Variants in RIMS3 observed in about 807,000 individuals in gnomAD.
The protein encoded by RIMS3 is regulating synaptic membrane exocytosis 3.
Under a neutral mutation model 29.2 loss-of-function variants are expected in RIMS3, and 15 were observed. The ratio of observed to expected loss-of-function variants is 0.51; its 90% CI spans 0.34 to 0.79. RIMS3 has a LOEUF of 0.79. Ranked by LOEUF, RIMS3 falls within the 30% of genes least tolerant of loss-of-function variation. The probability of loss-of-function intolerance (pLI) is 0.01; values close to 1 mark genes in which losing one functional copy is unlikely to be tolerated. For missense variants in RIMS3, 342 were observed against 421.4 expected (o/e 0.81, Z 1.65); for synonymous variants, 161 against 170.1 (o/e 0.95, Z 0.41).
intron 1 of RIMS3, among the ~76,000 whole-genome samples, chr1:40,659,608 G>A (rs969586622): frequency 6.6e-6 from 1 of 152,194 alleles, no homozygotes; most frequent in Admixed American, 6.5e-5. Flanking sequence ...AGCCTAGCAT[G>A]AAATAGACAT....
Position 40,623,133 on chromosome 1 carries a change from C to A in RIMS3, c.*3384G>T. Reference sequence around the variant, plus strand: ...TCTATGGGTGGCCTTTCTTGGAGCTCCTGGGTTCTGCCTCAGCCCCCATGA... The same window carrying A: ...TCTATGGGTGGCCTTTCTTGGAGCTACTGGGTTCTGCCTCAGCCCCCATGA... On this transcript the variant is annotated 3_prime_UTR_variant, in exon 8 of 8. Transcript: ENST00000372684. 3.1e-6 allele frequency: 1 copy of A among 326,792 alleles called. No homozygotes were observed. Among genetic ancestry groups the A allele is most frequent in the Non-Finnish European group, 5.5e-6 (1 of 181,024 alleles). The allele number at this position is 326,792 out of a possible 1,614,324, so 20.2% of individuals were successfully genotyped here.
At chr1:40,649,364 C>A (rs144295224) in intron 1 of RIMS3, among the ~76,000 whole-genome samples, 81 of 152,302 alleles carry the variant, frequency 5.3e-4, no homozygotes, top group Admixed American at 1.9e-3. Flanking sequence ...GAAGCAGCCA[C>A]GACAGCCATA....
intron 1 of RIMS3, among the ~76,000 whole-genome samples, chr1:40,662,197 C>T (rs1642362340): frequency 6.6e-6 from 1 of 152,144 alleles, no homozygotes; most frequent in Non-Finnish European, 1.5e-5. Context: ...GGAAATCGGG[C>T]CAGGCTGTCC....
the RIMS3 span, among the ~76,000 whole-genome samples, chr1:40,682,185 A>G: frequency 1.3e-5 from 2 of 152,200 alleles, no homozygotes; most frequent in Non-Finnish European, 2.9e-5. Flanking sequence ...ACCATGCACT[A>G]GAGAGTGGAC....
chr1:40,680,374 C>G, the RIMS3 span, among the ~76,000 whole-genome samples: 1,042 of 150,522 alleles, frequency 6.9e-3, 9 homozygotes, highest in South Asian at 0.015. Flanking sequence ...TTCTGTCGCC[C>G]AGGCTGGAGT....
At chr1:40,660,537 C>T (rs1221730231) in intron 1 of RIMS3, among the ~76,000 whole-genome samples, 1 of 151,930 alleles carries the variant, frequency 6.6e-6, no homozygotes, top group Non-Finnish European at 1.5e-5. Context: ...GCCACCATGC[C>T]CAGCTAATTT....
intron 1 of RIMS3, among the ~76,000 whole-genome samples, chr1:40,659,269 T>G (rs1557685922): frequency 6.6e-6 from 1 of 152,016 alleles, no homozygotes; most frequent in South Asian, 2.1e-4. Flanking sequence ...GTTCAAAGTG[T>G]GGCGGGGAAG....
chr1:40,662,607 T>C (rs1642368138), intron 1 of RIMS3, among the ~76,000 whole-genome samples: 1 of 152,224 alleles, frequency 6.6e-6, no homozygotes, highest in African/African-American at 2.4e-5. Context: ...TTCTCCTTTT[T>C]TCTTCACTCC....
chr1:40,669,105 C>A (rs563330650), upstream of RIMS3: 1 of 152,252 alleles, frequency 6.6e-6, no homozygotes, highest in East Asian at 1.9e-4. Flanking sequence ...TCTGTTCCTG[C>A]TCAGCCCCTT....
At chr1:40,679,603 G>A in the RIMS3 span, among the ~76,000 whole-genome samples, 1 of 151,812 alleles carries the variant, frequency 6.6e-6, no homozygotes, top group Non-Finnish European at 1.5e-5. Context: ...TTCCTTTCCA[G>A]GATTCATGTA....
At chr1:40,661,341 C>T (rs1328965451) in intron 1 of RIMS3, among the ~76,000 whole-genome samples, 1 of 152,106 alleles carries the variant, frequency 6.6e-6, no homozygotes, top group Non-Finnish European at 1.5e-5. Flanking sequence ...TAATGCCCTC[C>T]ACCTCATCCT....
rs765191484 is a variant in RIMS3, at chr1:40,629,376, A to C, written c.473-4T>G. 5 of 1,613,212 alleles carry C rather than the reference A, an allele frequency of 3.1e-6. No homozygotes were observed. The African/African-American group carries it at 6.7e-5, about 22-fold the overall frequency. On this transcript the variant is annotated splice_polypyrimidine_tract_variant and splice_region_variant and intron_variant, in intron 5 of 7. Coordinates refer to ENST00000372684, the MANE Select transcript of RIMS3 (RefSeq NM_014747.3). ...ATGATGGCAATGTGCACATCTCCTGAAAGGAAGAAGAGGGTGAGTCCAGGC... is the reference window on the plus strand; with the variant it reads ...ATGATGGCAATGTGCACATCTCCTGCAAGGAAGAAGAGGGTGAGTCCAGGC...
rs12117629 is a variant in RIMS3 at position 40,623,004 on chromosome 1, A to G, written c.*3513T>C. ...GGCTTCTGCTCTCCTCAAGGCTGGC[A>G]GTAAAGAAGAGATCAGGCATGCTTC... is the stretch of plus-strand genomic sequence containing the variant. On this transcript the variant is annotated 3_prime_UTR_variant, in exon 8 of 8. Coordinates refer to ENST00000372684, the MANE Select transcript of RIMS3 (RefSeq NM_014747.3). 0.049 allele frequency: 8,503 copies of G among 171,818 alleles called. 245 individuals are homozygous for G. Among genetic ancestry groups the G allele is most frequent in the Middle Eastern group, 0.082 (34 of 416 alleles). 10.6% of individuals were successfully genotyped at this position (171,818 alleles called of 1,614,324 possible).
At chr1:40,655,141 G>A (rs535998842) in intron 1 of RIMS3, among the ~76,000 whole-genome samples, 6 of 152,192 alleles carry the variant, frequency 3.9e-5, no homozygotes, top group Non-Finnish European at 8.8e-5. Flanking sequence ...AGCACAAAGC[G>A]GTGGACAAAG....
At chr1:40,683,342 G>C in the RIMS3 span, among the ~76,000 whole-genome samples, 45 of 152,348 alleles carry the variant, frequency 3.0e-4, no homozygotes, top group Non-Finnish European at 5.6e-4. Context: ...ATGAGGTCAC[G>C]AGGGCTCTGC....
At chr1:40,648,149 C>A (rs1646607410) in intron 1 of RIMS3, among the ~76,000 whole-genome samples, 1 of 152,180 alleles carries the variant, frequency 6.6e-6, no homozygotes, top group Non-Finnish European at 1.5e-5. Context: ...TCCTTCCTTC[C>A]TCCAACCTCC....
intron 2 of RIMS3, among the ~76,000 whole-genome samples, chr1:40,642,570 C>T (rs538301050): frequency 6.6e-6 from 1 of 152,168 alleles, no homozygotes; most frequent in East Asian, 1.9e-4. Context: ...GCATTTTAGC[C>T]TATTCCCTTC....
Position 40,636,556 on chromosome 1 carries a change from A to AT in RIMS3, c.218-500dup, listed in dbSNP as rs1216491049. ...CACCTCTGATACCTCTGGAGGCTCT[A>AT]TAGGAAAGCCCCCATGGGAAGCCTG... is the stretch of plus-strand genomic sequence containing the variant. On this transcript the variant is annotated intron_variant, in intron 3 of 7. Transcript: ENST00000372684. This position sits in a 1 kb window ranked among gnomAD's most constrained non-coding sequence, Gnocchi z 4.2. Among the ~76,000 whole-genome samples, 2 of 152,158 alleles carry AT rather than the reference A, an allele frequency of 1.3e-5. No individual in the cohort carries two copies. Among genetic ancestry groups the AT allele is most frequent in the Non-Finnish European group, 2.9e-5 (2 of 68,020 alleles).
chr1:40,671,166 G>A, the RIMS3 span, among the ~76,000 whole-genome samples: 1 of 152,174 alleles, frequency 6.6e-6, no homozygotes, highest in East Asian at 1.9e-4. Context: ...GAGGCTGTAG[G>A]AGGTAGGTGG....
Sources: allele counts gnomAD v4.1 joint callset (sites outside exome capture counted in the v4.1 genomes callset), GRCh38; gene constraint gnomAD v4.1.1; non-coding constraint Gnocchi (gnomAD v3.1); transcripts MANE v1.5; gene names NCBI Gene and HGNC (gene_info 2026-07-23, HGNC 2026-07-21).